The following SAMD12 variants were observed in gnomAD, a reference collection of about 807,000 sequenced individuals.
SAMD12 encodes the protein sterile alpha motif domain-containing protein 12.
In SAMD12, 9 loss-of-function variants were observed where a neutral mutation model predicts 15.0. The ratio of observed to expected loss-of-function variants is 0.60; its 90% CI spans 0.36 to 1.05. The LOEUF (loss-of-function observed/expected upper bound fraction) is 1.05, where lower values mean the gene tolerates loss of function less well. Among genes scored for constraint, SAMD12 ranks in the 50% least tolerant of loss-of-function variants. The pLI, the probability that SAMD12 is intolerant of heterozygous loss-of-function variation, is 0.01. For missense variants in SAMD12, 230 were observed against 234.2 expected, an observed-to-expected ratio of 0.98 and a Z score of 0.12; for synonymous variants, 86 against 90.1, an observed-to-expected ratio of 0.96 and a Z score of 0.25.
chr8:118,223,826 T>A (rs1315087056), intron 4 of SAMD12, among the ~76,000 whole-genome samples: 1 of 152,166 alleles, frequency 6.6e-6, no homozygotes, highest in Non-Finnish European at 1.5e-5. Flanking sequence ...GGCTGGCAGT[T>A]AGGAGATCTT....
intron 2 of SAMD12, among the ~76,000 whole-genome samples, chr8:118,545,125 G>GTGCATGTATACACA (rs1418444824): frequency 2.6e-5 from 4 of 152,146 alleles, no homozygotes; most frequent in African/African-American, 9.7e-5. Context: ...ATATGTGTGT[G>GTGCATGTATACACA]TGCATGTATA....
the SAMD12 span, among the ~76,000 whole-genome samples, chr8:118,175,024 C>CAAAAAAAACAA: frequency 1.6e-5 from 1 of 63,568 alleles, no homozygotes; most frequent in Admixed American, 1.5e-4. Context: ...AGCAGTAAAG[C>CAAAAAAAACAA]AAAAAAAAAC....
chr8:118,511,846 G>A lies in SAMD12; in HGVS notation c.192+68869C>T, dbSNP rs903493738. ...CATTTATTTTGTAAAACACAAGAGG[G>A]ACATATACAAATCTGCACTGAACAA... is the stretch of plus-strand genomic sequence containing the variant. On this transcript the variant is annotated intron_variant, in intron 2 of 3. Transcript: ENST00000314727. 3.3e-5 allele frequency among the ~76,000 whole-genome samples: 5 copies of A among 152,112 alleles called. No individual in the cohort carries two copies. In the East Asian group the frequency reaches 9.6e-4, roughly 29 times the overall value.
At chr8:118,457,771 G>C (rs779087973) in intron 2 of SAMD12, among the ~76,000 whole-genome samples, 46 of 152,166 alleles carry the variant, frequency 3.0e-4, no homozygotes, top group Non-Finnish European at 5.7e-4. Context: ...ATAAATGTCA[G>C]CATCCATGCT....
At chr8:118,461,637 TC>T (rs1290531985) in intron 2 of SAMD12, among the ~76,000 whole-genome samples, 2 of 152,212 alleles carry the variant, frequency 1.3e-5, no homozygotes, top group Admixed American at 6.5e-5. Context: ...ACAGTACTTT[TC>T]AACTTGTTTT....
intron 1 of SAMD12, among the ~76,000 whole-genome samples, chr8:118,592,301 GA>G (rs936255079): frequency 1.3e-5 from 2 of 151,500 alleles, no homozygotes; most frequent in Non-Finnish European, 2.9e-5. Flanking sequence ...GCAAATAGAG[GA>G]AAAAAAATGG....
At chr8:118,146,173 T>C in the SAMD12 span, among the ~76,000 whole-genome samples, 2 of 152,034 alleles carry the variant, frequency 1.3e-5, no homozygotes, top group Non-Finnish European at 2.9e-5. Flanking sequence ...GGATTATAAG[T>C]AGGAGTTAGC....
In SAMD12 at chr8:118,580,857, T is replaced by C; in HGVS notation, c.50A>G (p.His17Arg). The C allele has an allele frequency of 6.2e-7, 1 of 1,612,992 alleles. No individual in the cohort carries two copies. Among genetic ancestry groups the C allele is most frequent in the South Asian group, 1.1e-5 (1 of 90,968 alleles). Residue 17 changes from histidine (H) to arginine (R), a missense_variant, in exon 2 of 4, where the codon CAC becomes CGC. By Grantham distance (29) the His-to-Arg change is conservative (BLOSUM62 0). Coordinates refer to ENST00000314727, the MANE Select transcript of SAMD12 (RefSeq NM_207506.3). Reference protein sequence around the residue: ...HCGLNPRGIDHPAHAEGIKLQ... With the variant: ...HCGLNPRGIDRPAHAEGIKLQ... ...TTTAATACCTTCAGCATGGGCAGGG[T>C]GATCAATACCCCGTGGATTCAAACC...
chr8:118,336,931 T>C (rs1008093868), intron 4 of SAMD12, among the ~76,000 whole-genome samples: 1 of 152,202 alleles, frequency 6.6e-6, no homozygotes, highest in Non-Finnish European at 1.5e-5. Context: ...AAACACTGCA[T>C]GTTCTCATTC....
rs1037773381 is a variant in SAMD12 at position 118,506,932 on chromosome 8, C to T, written c.193-66971G>A. Among the ~76,000 whole-genome samples, 6 of 151,932 alleles carry T rather than the reference C, an allele frequency of 3.9e-5. No homozygotes were observed. The East Asian group carries it at 1.2e-3, about 29-fold the overall frequency. On this transcript the variant is annotated intron_variant, in intron 2 of 3. Coordinates refer to ENST00000314727, the MANE Select transcript of SAMD12 (RefSeq NM_207506.3). ...TGAAGCTGTCTGGCAGTAGTACTGT[C>T]ACTCATGGGAGGGTATGGTGGTCAT... is the stretch of plus-strand genomic sequence containing the variant.
rs74378729 is a variant in SAMD12, at chr8:118,517,029, T to C, written c.192+63686A>G. On this transcript the variant is annotated intron_variant, in intron 2 of 3. Transcript: ENST00000314727. ...TACAAGTTCCATATTCCAAAACAGTTCTAAGAAAATGGAGAATCTTCCTTT... is the reference window on the plus strand; with the variant it reads ...TACAAGTTCCATATTCCAAAACAGTCCTAAGAAAATGGAGAATCTTCCTTT... 4.6e-3 allele frequency among the ~76,000 whole-genome samples: 698 copies of C among 152,306 alleles called. 17 individuals are homozygous for C. In the East Asian group the frequency reaches 0.075, roughly 16 times the overall value.
intron 2 of SAMD12, among the ~76,000 whole-genome samples, chr8:118,476,047 C>A (rs1189018255): frequency 6.6e-6 from 1 of 152,118 alleles, no homozygotes; most frequent in Non-Finnish European, 1.5e-5. Context: ...ACATGGTATC[C>A]TAAATACCAT....
At chr8:118,300,356 T>G (rs1222671476) in intron 4 of SAMD12, among the ~76,000 whole-genome samples, 1 of 152,218 alleles carries the variant, frequency 6.6e-6, no homozygotes, top group African/African-American at 2.4e-5. Flanking sequence ...GTTCTATTTT[T>G]TGTTTCTGTG....
the SAMD12 span, among the ~76,000 whole-genome samples, chr8:118,149,627 A>G: frequency 2.0e-5 from 3 of 152,096 alleles, no homozygotes; most frequent in Non-Finnish European, 2.9e-5. Context: ...TATTTGGTGC[A>G]TTGTCTAAGA....
rs1586354788 is a variant in SAMD12, at chr8:118,218,742, A to G, written c.434-21010T>C. ...CAATAGTATCCCATTGTGTATATAT[A>G]CCACATTTTTTTAAAATCAATTTTT... On this transcript the variant is annotated intron_variant, in intron 4 of 4. Coordinates refer to the SAMD12 transcript ENST00000409003. 4.6e-5 allele frequency among the ~76,000 whole-genome samples: 7 copies of G among 152,088 alleles called. No individual in the cohort carries two copies. In the South Asian group the frequency reaches 1.2e-3, roughly 27 times the overall value.
At chr8:118,309,415 T>TGTGTG (rs1442980110) in intron 4 of SAMD12, among the ~76,000 whole-genome samples, 3 of 151,824 alleles carry the variant, frequency 2.0e-5, no homozygotes, top group Non-Finnish European at 2.9e-5. Flanking sequence ...TGTATGTGTA[T>TGTGTG]TATCACATTT....
chr8:118,616,782 C>G (rs73319402), intron 1 of SAMD12, among the ~76,000 whole-genome samples: 8,470 of 152,262 alleles, frequency 0.056, 468 homozygotes, highest in African/African-American at 0.14. Context: ...CCACACCGCA[C>G]AGCAGGATGT....
chr8:118,606,985 C>A (rs1009184464), intron 1 of SAMD12, among the ~76,000 whole-genome samples: 5 of 152,160 alleles, frequency 3.3e-5, no homozygotes, highest in Admixed American at 3.3e-4. Flanking sequence ...CTGGCTGGTG[C>A]ACCCAACCCC....
chr8:118,329,526 A>C (rs558232518), intron 4 of SAMD12, among the ~76,000 whole-genome samples: 2 of 152,256 alleles, frequency 1.3e-5, no homozygotes, highest in Non-Finnish European at 2.9e-5. Flanking sequence ...TCTGGAGTGC[A>C]TCTCCCTGAT....
Sources: allele counts gnomAD v4.1 joint callset (sites outside exome capture counted in the v4.1 genomes callset), GRCh38; gene constraint gnomAD v4.1.1; transcripts MANE v1.5; gene names NCBI Gene and HGNC (gene_info 2026-07-23, HGNC 2026-07-21).